Variants in CTNNA2 observed in about 807,000 individuals in gnomAD.
CTNNA2 encodes the protein catenin alpha 2.
A neutral mutation model predicts 101.0 loss-of-function variants in CTNNA2; 42 were observed. That is an observed-to-expected ratio of 0.42 (90% CI 0.32 to 0.54). The LOEUF is 0.54. Ranked by LOEUF, CTNNA2 falls within the 20% of genes least tolerant of loss-of-function variation. The probability of loss-of-function intolerance (pLI) is 0.14; values close to 1 mark genes in which losing one functional copy is unlikely to be tolerated. For synonymous variants in CTNNA2, 450 were observed against 456.4 expected, an observed-to-expected ratio of 0.99 and a Z score of 0.18; for missense variants, 871 against 1,223.1, an observed-to-expected ratio of 0.71 and a Z score of 4.29.
chr2:80,302,444 T>C lies in CTNNA2; in HGVS notation c.1057-90767T>C, dbSNP rs754580143. On this transcript the variant is annotated intron_variant, in intron 7 of 18. Coordinates refer to ENST00000402739, the MANE Select transcript of CTNNA2 (RefSeq NM_001282597.3). The surrounding 1 kb of genome is among the most constrained non-coding windows in gnomAD (Gnocchi z 6.4). Reference sequence around the variant, plus strand: ...CTGCGTGACAAAGCACTGTCTGAGCTGCCTGAGGCTGGCTGGGAAACACTT... The same window carrying C: ...CTGCGTGACAAAGCACTGTCTGAGCCGCCTGAGGCTGGCTGGGAAACACTT... 12 of 1,614,228 alleles carry C rather than the reference T, an allele frequency of 7.4e-6. No individual in the cohort carries two copies. The highest frequency in any genetic ancestry group is 3.3e-5 in the South Asian group (3 of 91,088).
intron 7 of CTNNA2, among the ~76,000 whole-genome samples, chr2:79,927,930 G>A (rs1331864683): frequency 6.6e-6 from 1 of 151,946 alleles, no homozygotes; most frequent in African/African-American, 2.4e-5. Flanking sequence ...CCTCTTTGGT[G>A]GTCATTTTTG....
intron 1 of CTNNA2, among the ~76,000 whole-genome samples, chr2:79,630,453 C>G (rs1679614091): frequency 6.6e-6 from 1 of 152,240 alleles, no homozygotes; most frequent in Non-Finnish European, 1.5e-5. Flanking sequence ...CAGAAACACA[C>G]ATTGACATTG....
chr2:79,204,473 A>G (rs1351821277), intron 2 of CTNNA2, among the ~76,000 whole-genome samples: 2 of 152,156 alleles, frequency 1.3e-5, no homozygotes, highest in Admixed American at 6.6e-5. Context: ...ACTACCAGCA[A>G]TTATTCTATT....
At chr2:79,989,975 CT>C (rs1692053159) in intron 7 of CTNNA2, among the ~76,000 whole-genome samples, 2 of 152,278 alleles carry the variant, frequency 1.3e-5, no homozygotes, top group South Asian at 4.1e-4. Context: ...CCCCTAGCAG[CT>C]GATGTAATAT....
At chr2:79,405,967 C>T (rs1573150320) in intron 4 of CTNNA2, among the ~76,000 whole-genome samples, 1 of 151,950 alleles carries the variant, frequency 6.6e-6, no homozygotes, top group East Asian at 1.9e-4. Flanking sequence ...CAGAAGAATA[C>T]TGAAAGAGGA....
chr2:79,561,413 A>G (rs566488495), intron 1 of CTNNA2, among the ~76,000 whole-genome samples: 1 of 152,012 alleles, frequency 6.6e-6, no homozygotes, highest in South Asian at 2.1e-4. Context: ...TTTTATGAAC[A>G]TATGTTTTCA....
At chr2:80,423,511 TA>T (rs757870201) in intron 9 of CTNNA2, among the ~76,000 whole-genome samples, 2 of 152,090 alleles carry the variant, frequency 1.3e-5, no homozygotes, top group African/African-American at 2.4e-5. Context: ...TCATCTCCTT[TA>T]AAAAAATATT....
chr2:80,612,713 T>C (rs1698564516), intron 17 of CTNNA2, among the ~76,000 whole-genome samples: 2 of 151,526 alleles, frequency 1.3e-5, no homozygotes, highest in Admixed American at 1.3e-4. Flanking sequence ...TTGCATCTAA[T>C]TGTGTAGACC....
At chr2:79,334,226 C>A (rs1328430395) in intron 3 of CTNNA2, among the ~76,000 whole-genome samples, 5 of 152,172 alleles carry the variant, frequency 3.3e-5, no homozygotes, top group Non-Finnish European at 7.4e-5. Flanking sequence ...CAACCTTAAG[C>A]TATCCTTTTG....
intron 7 of CTNNA2, among the ~76,000 whole-genome samples, chr2:80,307,220 T>C (rs2149219541): frequency 6.6e-6 from 1 of 152,152 alleles, no homozygotes; most frequent in Non-Finnish European, 1.5e-5. Flanking sequence ...CATTAACAGA[T>C]TGAAATGAGC....
intron 7 of CTNNA2, among the ~76,000 whole-genome samples, chr2:79,963,401 A>G (rs186721469): frequency 6.6e-6 from 1 of 152,336 alleles, no homozygotes; most frequent in African/African-American, 2.4e-5. Flanking sequence ...TTCCTAAACC[A>G]GGGTAGACAA....
At chr2:79,716,146 G>A (rs1353673887) in intron 2 of CTNNA2, among the ~76,000 whole-genome samples, 1 of 152,132 alleles carries the variant, frequency 6.6e-6, no homozygotes, top group Non-Finnish European at 1.5e-5. Context: ...GGGCCAGGGT[G>A]GAGTTGTGGG....
rs952972277 is a variant in CTNNA2 at position 80,419,523 on chromosome 2, G to A, written c.1212G>A (p.Glu404=). The change falls in exon 9 of 19, where the codon GAG becomes GAA. Residue 404 remains glutamate, a synonymous_variant. Coordinates refer to ENST00000402739, the MANE Select transcript of CTNNA2 (RefSeq NM_001282597.3). ...ETNVPLLVLI[E]AAKSGNEKEV... ...ATGTTCCTTTGCTAGTTCTCATTGA[G>A]GCTGCAAAGAGCGGAAATGAAAAGG... The A allele has an allele frequency of 2.5e-6, 4 of 1,613,684 alleles. No individual in the cohort carries two copies. The highest frequency in any genetic ancestry group is 3.4e-6 in the Non-Finnish European group (4 of 1,179,728).
chr2:80,583,153 C>T lies in CTNNA2; in HGVS notation c.2007+1334C>T, dbSNP rs148706140. ...CAGTTTCAGACCTCTCTCTAAAATGCGAATAACAGGGTTACCTGATAGGAT... is the reference window on the plus strand; with the variant it reads ...CAGTTTCAGACCTCTCTCTAAAATGTGAATAACAGGGTTACCTGATAGGAT... On this transcript the variant is annotated intron_variant, in intron 14 of 18. Coordinates refer to ENST00000402739, the MANE Select transcript of CTNNA2 (RefSeq NM_001282597.3). Among the ~76,000 whole-genome samples the T allele has an allele frequency of 5.3e-3, 802 of 152,168 alleles. 13 individuals carry two copies. The highest frequency in any genetic ancestry group is 0.018 in the African/African-American group (747 of 41,518).
At chr2:80,378,183 C>T (rs1228941699) in intron 7 of CTNNA2, among the ~76,000 whole-genome samples, 2 of 151,858 alleles carry the variant, frequency 1.3e-5, no homozygotes, top group Admixed American at 6.6e-5. Context: ...GGTGAAACCC[C>T]GTCTCTGCAC....
At chr2:79,724,544 G>T (rs888510710) in intron 2 of CTNNA2, among the ~76,000 whole-genome samples, 3 of 152,006 alleles carry the variant, frequency 2.0e-5, no homozygotes, top group Non-Finnish European at 4.4e-5. Context: ...GGGCTGGCGC[G>T]GTGGCTCACG....
intron 4 of CTNNA2, among the ~76,000 whole-genome samples, chr2:79,865,960 C>A (rs917604899): frequency 1.3e-5 from 2 of 152,222 alleles, no homozygotes; most frequent in Non-Finnish European, 2.9e-5. Flanking sequence ...ACCTCGTGAT[C>A]CGCCCGCCTC....
chr2:80,513,315 T>C (rs1207916298), intron 9 of CTNNA2, among the ~76,000 whole-genome samples: 1 of 152,252 alleles, frequency 6.6e-6, no homozygotes, highest in Non-Finnish European at 1.5e-5. Flanking sequence ...AGTCTAAAGA[T>C]ACAGCCCCAG....
intron 7 of CTNNA2, chr2:80,028,001 A>G (rs1028955851): frequency 1.4e-5 from 2 of 145,274 alleles, no homozygotes; most frequent in Admixed American, 6.9e-5. Flanking sequence ...AAAAAAAAAA[A>G]GTAAAAGAAA....
Sources: gnomAD v4.1 joint callset for allele counts (sites outside exome capture counted in the v4.1 genomes callset) on GRCh38, gnomAD v4.1.1 for gene constraint, Gnocchi (gnomAD v3.1) non-coding constraint, MANE v1.5 for transcripts, NCBI Gene and HGNC (gene_info 2026-07-23, HGNC 2026-07-21) for gene names.